The following WDR59 variants were observed in gnomAD, a reference collection of about 807,000 sequenced individuals.
WDR59 encodes GATOR2 complex protein WDR59.
WDR59 carries 100 observed loss-of-function variants against 131.2 expected under a neutral mutation model. The ratio of observed to expected loss-of-function variants is 0.76; its 90% CI spans 0.65 to 0.90. WDR59 has a LOEUF of 0.90. Among genes scored for constraint, WDR59 ranks in the 40% least tolerant of loss-of-function variants. The pLI, the probability that WDR59 is intolerant of heterozygous loss-of-function variation, is 0.00. For missense variants in WDR59, 1,203 were observed against 1,262.2 expected (o/e 0.95, Z 0.71); for synonymous variants, 601 against 466.2 (o/e 1.29, Z -3.72).
intron 7 of WDR59, among the ~76,000 whole-genome samples, chr16:74,940,596 T>C (rs1235123281): frequency 6.6e-6 from 1 of 152,226 alleles, no homozygotes; most frequent in Non-Finnish European, 1.5e-5. Context: ...TAATGCTTGC[T>C]GCCATCAGTG....
At chr16:74,941,694 G>GAAA (rs11379528) in intron 7 of WDR59, among the ~76,000 whole-genome samples, 2 of 137,528 alleles carry the variant, frequency 1.5e-5, no homozygotes, top group African/African-American at 2.6e-5. Context: ...TCTGTCTCAA[G>GAAA]AAAAAAAAAA....
At chr16:74,904,143 GTCATATTTC>G in intron 17 of WDR59, 43 bp from the exon 18 acceptor site, 4 of 1,587,278 alleles carry the variant, frequency 2.5e-6, no homozygotes, top group Non-Finnish European at 2.6e-6. Flanking sequence ...CTGCAGTCCT[GTCATATTTC>G]CAAGTGGTGC....
chr16:74,924,398 CT>C (rs1001265284), intron 8 of WDR59, among the ~76,000 whole-genome samples: 10 of 152,038 alleles, frequency 6.6e-5, no homozygotes, highest in African/African-American at 1.9e-4. Context: ...ATATTTAGAA[CT>C]TTTTTTTCCC....
At chr16:74,971,762 G>C (rs747703971) in intron 1 of WDR59, among the ~76,000 whole-genome samples, 30 of 152,168 alleles carry the variant, frequency 2.0e-4, no homozygotes, top group Non-Finnish European at 4.0e-4. Flanking sequence ...CTGTCGCCAA[G>C]GCTGGAGTGC....
rs138738955 is a variant in WDR59, at chr16:74,927,096, T to A, written c.652-3093A>T. 2.0e-5 allele frequency among the ~76,000 whole-genome samples: 3 copies of A among 152,256 alleles called. No homozygotes were observed. In the South Asian group the frequency reaches 6.2e-4, roughly 32 times the overall value. ...TGAGGGCTGGATGAGGTTCTTCCAT[T>A]GAGTACGTGGGAAGAGATGAATGCA... On this transcript the variant is annotated intron_variant, in intron 8 of 25. Coordinates refer to ENST00000262144, the MANE Select transcript of WDR59 (RefSeq NM_030581.4).
intron 13 of WDR59, 49 bp downstream of exon 13, chr16:74,915,821 C>T (rs1966340415): frequency 1.9e-6 from 3 of 1,611,590 alleles, no homozygotes; most frequent in Admixed American, 3.3e-5. Flanking sequence ...TTCCCTCTCC[C>T]ACAAACTGCC....
intron 1 of WDR59, among the ~76,000 whole-genome samples, chr16:74,980,512 C>A (rs990481417): frequency 3.8e-4 from 58 of 151,360 alleles, no homozygotes; most frequent in Admixed American, 1.6e-3. Flanking sequence ...CGCCACCATG[C>A]CTGGCTAATT....
At chr16:74,886,051 G>C in intron 24 of WDR59, 1 of 663,990 alleles carries the variant, frequency 1.5e-6, no homozygotes, top group Non-Finnish European at 2.4e-6. Flanking sequence ...GGTGGCGTGT[G>C]CCTGTAATCC....
chr16:74,886,190 AG>A, intron 24 of WDR59, 79 bp downstream of exon 24: 1 of 1,448,726 alleles, frequency 6.9e-7, no homozygotes, highest in South Asian at 1.3e-5. Context: ...AAAAAAAAAA[AG>A]TAAGAGTTGT....
chr16:74,882,893 A>G (rs1479431396), intron 25 of WDR59, among the ~76,000 whole-genome samples: 3 of 150,938 alleles, frequency 2.0e-5, no homozygotes, highest in Non-Finnish European at 4.4e-5. Context: ...ACACAACTTA[A>G]AAGAGTCAAA....
chr16:74,935,972 G>A (rs528675935), intron 8 of WDR59, among the ~76,000 whole-genome samples: 51 of 151,564 alleles, frequency 3.4e-4, no homozygotes, highest in African/African-American at 9.7e-4. Context: ...ACTCCAACCC[G>A]GGTGACAGAG....
intron 25 of WDR59, among the ~76,000 whole-genome samples, chr16:74,876,193 T>C (rs1020367964): frequency 3.3e-5 from 5 of 152,196 alleles, no homozygotes; most frequent in Admixed American, 6.5e-5. Context: ...ATGTGGTACC[T>C]AAGGGCATAT....
intron 21 of WDR59, 106 bp downstream of exon 21, chr16:74,889,597 A>T: frequency 1.2e-6 from 1 of 818,574 alleles, no homozygotes; most frequent in African/African-American, 1.7e-5. Flanking sequence ...CCTTCCTTTC[A>T]TTCCTCGGGC....
At chr16:74,927,587 CAA>C (rs370386044) in intron 8 of WDR59, among the ~76,000 whole-genome samples, 25 of 57,976 alleles carry the variant, frequency 4.3e-4, no homozygotes, top group African/African-American at 1.6e-3. Flanking sequence ...GACTCCATCT[CAA>C]AAAAAAAAAA....
chr16:74,911,189 G>A (rs912503893), intron 14 of WDR59, among the ~76,000 whole-genome samples: 1 of 152,164 alleles, frequency 6.6e-6, no homozygotes, highest in Non-Finnish European at 1.5e-5. Flanking sequence ...ACACACAAAA[G>A]AGTTCGCAAC....
intron 1 of WDR59, among the ~76,000 whole-genome samples, chr16:74,978,320 CAA>C (rs1182301591): frequency 9.3e-5 from 5 of 53,508 alleles, no homozygotes; most frequent in Non-Finnish European, 6.9e-5. Context: ...GACTCTGTCT[CAA>C]AAAAAAAAAA....
At chr16:74,940,062 T>C (rs1410233964) in intron 7 of WDR59, among the ~76,000 whole-genome samples, 2 of 152,042 alleles carry the variant, frequency 1.3e-5, no homozygotes, top group Non-Finnish European at 2.9e-5. Flanking sequence ...TTCAGTTTAC[T>C]CATCTGTAAA....
At chr16:74,886,177 C>CAAAAAAAAAAAAAAAAAAAAAAAAAA (rs777732079) in intron 24 of WDR59, 93 bp downstream of exon 24, 3 of 1,018,842 alleles carry the variant, frequency 2.9e-6, no homozygotes, top group African/African-American at 3.9e-5. Flanking sequence ...ATTCTGTGTC[C>CAAAAAAAAAAAAAAAAAAAAAAAAAA]AAAAAAAAAA....
At chr16:74,959,718 T>C (rs572640030) in intron 2 of WDR59, 1 of 271,128 alleles carries the variant, frequency 3.7e-6, no homozygotes, top group Non-Finnish European at 7.0e-6. Context: ...AATTCAAGGC[T>C]GCAGCGAGCC....
Sources: gnomAD v4.1 joint callset for allele counts (sites outside exome capture counted in the v4.1 genomes callset) on GRCh38, gnomAD v4.1.1 for gene constraint, MANE v1.5 for transcripts, NCBI Gene and HGNC (gene_info 2026-07-23, HGNC 2026-07-21) for gene names.